Variants in CLIC6 observed in about 807,000 individuals in gnomAD.
CLIC6 encodes chloride intracellular channel protein 6.
CLIC6 carries 39 observed loss-of-function variants against 49.2 expected under a neutral mutation model. The observed-to-expected ratio is 0.79, with a 90% CI of 0.61 to 1.04. The LOEUF (loss-of-function observed/expected upper bound fraction) is 1.04, where lower values mean the gene tolerates loss of function less well. Among genes scored for constraint, CLIC6 ranks in the 50% least tolerant of loss-of-function variants. The pLI, the probability that CLIC6 is intolerant of heterozygous loss-of-function variation, is 0.00. For missense variants in CLIC6, 988 were observed against 993.1 expected (o/e 0.99, Z 0.07); for synonymous variants, 446 against 433.4 (o/e 1.03, Z -0.36).
Position 34,669,851 on chromosome 21 carries a change from GA to G in CLIC6, c.464del (p.Glu155GlyfsTer6), listed in dbSNP as rs1370469472. On this transcript the variant is annotated frameshift_variant, in exon 1 of 6. Coordinates refer to ENST00000349499, the MANE Select transcript of CLIC6 (RefSeq NM_053277.3). LOFTEE classifies it high-confidence loss of function. Reference protein sequence around the residue: ...PEVPEGSASGEAGDSVDAEGP... With the variant: ...PEVPEGSASGXAGDSVDAEGP... ...GGTCCCGGAAGGTAGCGCGTCCGGG[GA>G]GGCGGGGGACAGCGTAGACGCGGAG... The G allele has an allele frequency of 2.1e-6, 3 of 1,412,090 alleles. No individual in the cohort carries two copies. The highest frequency in any genetic ancestry group is 9.2e-7 in the Non-Finnish European group (1 of 1,092,514). 87.5% of individuals were successfully genotyped at this position (1,412,090 alleles called of 1,614,324 possible).
At chr21:34,702,811 C>T (rs1268557667) in intron 1 of CLIC6, among the ~76,000 whole-genome samples, 2 of 152,172 alleles carry the variant, frequency 1.3e-5, no homozygotes, top group Non-Finnish European at 1.5e-5. Flanking sequence ...TCTGCCTTAA[C>T]TCTTTCTCTC....
intron 1 of CLIC6, among the ~76,000 whole-genome samples, chr21:34,704,980 G>A (rs574302541): frequency 9.9e-5 from 15 of 152,238 alleles, no homozygotes; most frequent in African/African-American, 2.4e-4. Context: ...TCACTGGAAC[G>A]GGACACACAC....
At chr21:34,680,029 CT>C (rs1269226963) in intron 1 of CLIC6, among the ~76,000 whole-genome samples, 2 of 152,226 alleles carry the variant, frequency 1.3e-5, no homozygotes, top group Non-Finnish European at 2.9e-5. Context: ...AGTGGGGACT[CT>C]GTGTGGGGGC....
chr21:34,709,212 T>C, intron 4 of CLIC6, 145 bp from the exon 5 acceptor site: 1 of 650,216 alleles, frequency 1.5e-6, no homozygotes, highest in Non-Finnish European at 2.7e-6. Flanking sequence ...TATTCAGATA[T>C]TCTACATCCA....
At chr21:34,679,338 G>C (rs566494291) in intron 1 of CLIC6, among the ~76,000 whole-genome samples, 1 of 152,158 alleles carries the variant, frequency 6.6e-6, no homozygotes, top group Non-Finnish European at 1.5e-5. Flanking sequence ...CAGCATGGGG[G>C]AAACTTCTCT....
Position 34,708,736 on chromosome 21 carries a change from T to G in CLIC6, c.1647T>G (p.Asn549Lys). The G allele has an allele frequency of 6.2e-7, 1 of 1,614,168 alleles. No homozygotes were observed. Residue 549 changes from asparagine to lysine, a missense_variant, in exon 4 of 6, where the codon AAT becomes AAG. Around this residue, in one of 3 missense-constraint regions of CLIC6, gnomAD observed 647 missense variants for 596.9 expected, o/e 1.08. Transcript: ENST00000349499. The part of the protein sequence containing the change: ...PKLGTQHPES[N>K]SAGNDVFAKF... ...TGGGGACCCAACATCCCGAATCTAA[T>G]TCCGCAGGAAATGACGTGTTTGCCA...
chr21:34,711,569 AAATT>A (rs1480771081), intron 5 of CLIC6, among the ~76,000 whole-genome samples: 1 of 135,858 alleles, frequency 7.4e-6, no homozygotes, highest in Non-Finnish European at 1.6e-5. Context: ...ATAAATAAAT[AAATT>A]ACATGTTAGC....
In CLIC6 at chr21:34,670,468, G is replaced by A. The variant is rs1202984849; in HGVS notation, c.1080G>A (p.Gly360=). 1.3e-6 allele frequency: 2 copies of A among 1,490,830 alleles called. No homozygotes were observed. Among genetic ancestry groups the A allele is most frequent in the East Asian group, 5.0e-5 (2 of 39,868 alleles). The allele number at this position is 1,490,830 out of a possible 1,614,324, so 92.4% of individuals were successfully genotyped here. A position where few individuals can be genotyped will look rare whatever the true frequency, so the allele number is the denominator to read the frequency against. ...CAGACGCTGGCGAGGACAGGGTAGG[G>A]GATGGGCCACAGCAGGAGCCGGGGG... ...ARADAGEDRV[G]DGPQQEPGED... The change falls in exon 1 of 6, where the codon GGG becomes GGA. Residue 360 remains glycine (G), a synonymous_variant. Transcript: ENST00000349499.
intron 1 of CLIC6, among the ~76,000 whole-genome samples, chr21:34,689,532 T>C (rs1317497929): frequency 6.6e-6 from 1 of 152,162 alleles, no homozygotes. Flanking sequence ...TCATTGCAAG[T>C]CCACTTTCTT....
intron 1 of CLIC6, among the ~76,000 whole-genome samples, chr21:34,683,022 A>G (rs1989810540): frequency 6.6e-6 from 1 of 151,826 alleles, no homozygotes. Context: ...CGTGTTAGCC[A>G]AGATGGTCTC....
chr21:34,686,173 G>A (rs1274173325), intron 1 of CLIC6, among the ~76,000 whole-genome samples: 1 of 152,204 alleles, frequency 6.6e-6, no homozygotes, highest in Non-Finnish European at 1.5e-5. Flanking sequence ...GGAGGCTGAG[G>A]TGGGCAGATC....
Position 34,670,125 on chromosome 21 carries a change from T to A in CLIC6, c.737T>A (p.Val246Glu), listed in dbSNP as rs1053489280. 1.3e-6 allele frequency: 1 copy of A among 793,122 alleles called. No individual in the cohort carries two copies. Among genetic ancestry groups the A allele is most frequent in the Non-Finnish European group, 1.4e-6 (1 of 692,168 alleles). 49.1% of individuals were successfully genotyped at this position (793,122 alleles called of 1,614,324 possible). A position where few individuals can be genotyped will look rare whatever the true frequency, so the allele number is the denominator to read the frequency against. Residue 246 changes from valine to glutamate, a missense_variant, in exon 1 of 6, where the codon GTG (valine) becomes GAG (glutamate). Physicochemically the swap from Val to Glu is moderately radical, Grantham distance 121. Around this residue, in one of 3 missense-constraint regions of CLIC6, gnomAD observed 57 missense variants for 117.6 expected, o/e 0.48. Coordinates refer to ENST00000349499, the MANE Select transcript of CLIC6 (RefSeq NM_053277.3). ...GACAGCGTAGACGCGGAGGGCCGGG[T>A]GGGGGACAGCGTAGAGGCGGGGGAC... ...AGDSVDAEGR[V>E]GDSVEAGDPA...
At chr21:34,709,056 C>T (rs1425377146) in intron 4 of CLIC6, among the ~76,000 whole-genome samples, 2 of 152,320 alleles carry the variant, frequency 1.3e-5, no homozygotes, top group East Asian at 3.9e-4. Context: ...TCCGGACACA[C>T]CATGGGAATC....
At chr21:34,676,144 C>G (rs1989667036) in intron 1 of CLIC6, among the ~76,000 whole-genome samples, 1 of 152,168 alleles carries the variant, frequency 6.6e-6, no homozygotes, top group African/African-American at 2.4e-5. Context: ...ATCCCATTTC[C>G]TTGAATATCT....
intron 1 of CLIC6, among the ~76,000 whole-genome samples, chr21:34,692,814 G>A (rs988662561): frequency 6.6e-6 from 1 of 152,202 alleles, no homozygotes; most frequent in African/African-American, 2.4e-5. Context: ...CCCACCTCCA[G>A]GGAGCTGTGC....
chr21:34,682,924 G>T lies in CLIC6; in HGVS notation c.1374+12162G>T, dbSNP rs113182515. ...CCTCCCAGGTTCATGCCATTCTCCT[G>T]CCTCAGCCTCCCAAGTAGCTGGGAC... On this transcript the variant is annotated intron_variant, in intron 1 of 5. Transcript: ENST00000349499. Among the ~76,000 whole-genome samples, 357 of 142,992 alleles carry T rather than the reference G, an allele frequency of 2.5e-3. 2 individuals are homozygous for T. Among genetic ancestry groups the T allele is most frequent in the African/African-American group, 8.7e-3 (338 of 38,680 alleles). 93.8% of individuals were successfully genotyped at this position (142,992 alleles called of 152,430 possible).
chr21:34,675,757 G>A (rs1989656708), intron 1 of CLIC6, among the ~76,000 whole-genome samples: 2 of 152,194 alleles, frequency 1.3e-5, no homozygotes, highest in African/African-American at 2.4e-5. Flanking sequence ...TGCCACTGCA[G>A]TGGGCTCATG....
At chr21:34,674,575 G>C (rs1989628151) in intron 1 of CLIC6, among the ~76,000 whole-genome samples, 1 of 152,098 alleles carries the variant, frequency 6.6e-6, no homozygotes, top group Non-Finnish European at 1.5e-5. Context: ...TATTTTACAA[G>C]CATGCAAGGA....
intron 1 of CLIC6, among the ~76,000 whole-genome samples, chr21:34,704,839 A>G (rs567599537): frequency 7.9e-5 from 12 of 152,344 alleles, no homozygotes; most frequent in African/African-American, 2.6e-4. Context: ...GTTTGAGACC[A>G]GAGACCGAGC....
Sources: allele counts gnomAD v4.1 joint callset (sites outside exome capture counted in the v4.1 genomes callset), GRCh38; gene constraint gnomAD v4.1.1; regional missense constraint gnomAD v4.1.1; transcripts MANE v1.5; gene names NCBI Gene and HGNC (gene_info 2026-07-23, HGNC 2026-07-21).